The following PAXBP1 variants were observed in gnomAD, a reference collection of about 807,000 sequenced individuals.
PAXBP1 encodes the protein PAX3 and PAX7 binding protein 1, also known as PAX3- and PAX7-binding protein 1.
Under a neutral mutation model 119.9 loss-of-function variants are expected in PAXBP1, and 44 were observed. The observed-to-expected ratio is 0.37, with a 90% CI of 0.29 to 0.47. The LOEUF (loss-of-function observed/expected upper bound fraction) is 0.47, where lower values mean the gene tolerates loss of function less well. Among genes scored for constraint, PAXBP1 ranks in the 20% least tolerant of loss-of-function variants. The pLI, the probability that PAXBP1 is intolerant of heterozygous loss-of-function variation, is 0.99. For synonymous variants in PAXBP1, 393 were observed against 406.6 expected, an observed-to-expected ratio of 0.97 and a Z score of 0.40; for missense variants, 898 against 1,134.1, an observed-to-expected ratio of 0.79 and a Z score of 2.99.
Position 32,734,915 on chromosome 21 carries a change from G to A in PAXBP1, c.*35C>T, listed in dbSNP as rs373333916. 1.5e-4 allele frequency: 228 copies of A among 1,475,972 alleles called. No individual in the cohort carries two copies. The highest frequency in any genetic ancestry group is 1.1e-4 in the Non-Finnish European group (116 of 1,055,296). The allele number at this position is 1,475,972 out of a possible 1,614,324, so 91.4% of individuals were successfully genotyped here. ...ATACAAAATTTACACATTGGGAATG[G>A]TAATCAAGCAAATAGGTTTTTCAGT... On this transcript the variant is annotated 3_prime_UTR_variant, in exon 18 of 18. Coordinates refer to ENST00000331923, the MANE Select transcript of PAXBP1 (RefSeq NM_016631.4).
Position 32,769,860 on chromosome 21 carries a change from ATCT to A in PAXBP1, c.423_425del (p.Glu141del), listed in dbSNP as rs771281390. ...CTGTCTTAATCTTCGATTTTTCAAG[ATCT>A]TCTTTATATTCCTTCTTGAGCAATT... On this transcript the variant is annotated inframe_deletion, in exon 2 of 18. Transcript: ENST00000331923. 3 of 1,601,504 alleles carry A rather than the reference ATCT, an allele frequency of 1.9e-6. No individual in the cohort carries two copies. The highest frequency in any genetic ancestry group is 2.6e-6 in the Non-Finnish European group (3 of 1,175,748).
intron 4 of PAXBP1, among the ~76,000 whole-genome samples, chr21:32,761,443 T>A (rs1362485559): frequency 2.0e-5 from 3 of 152,184 alleles, no homozygotes; most frequent in African/African-American, 7.2e-5. Context: ...ATCTAATGCC[T>A]CCTAGGAATA....
At chr21:32,750,037 T>C (rs2043935529) in intron 10 of PAXBP1, among the ~76,000 whole-genome samples, 1 of 152,148 alleles carries the variant, frequency 6.6e-6, no homozygotes, top group African/African-American at 2.4e-5. Context: ...AAAAATTATA[T>C]ATGGACATGA....
intron 2 of PAXBP1, among the ~76,000 whole-genome samples, chr21:32,769,024 T>G (rs773065735): frequency 6.6e-6 from 1 of 152,202 alleles, no homozygotes; most frequent in Non-Finnish European, 1.5e-5. Context: ...ATTGAACATT[T>G]TGCCAAACAC....
chr21:32,771,738 G>GGCGC lies in PAXBP1; in HGVS notation c.-74_-71dup. The GGCGC allele has an allele frequency of 2.4e-6, 3 of 1,261,132 alleles. No individual in the cohort carries two copies. The highest frequency in any genetic ancestry group is 2.1e-5 in the South Asian group (1 of 47,640). The allele number at this position is 1,261,132 out of a possible 1,614,324, so 78.1% of individuals were successfully genotyped here. On this transcript the variant is annotated 5_prime_UTR_variant, in exon 1 of 18. Coordinates refer to ENST00000331923, the MANE Select transcript of PAXBP1 (RefSeq NM_016631.4). ...GCCCCGGCAGCGCCGAGCTCGTGACGGCGCACGCGCGCTCTCCGGAGCTCC... is the reference window on the plus strand; with the variant it reads ...GCCCCGGCAGCGCCGAGCTCGTGACGGCGCGCGCACGCGCGCTCTCCGGAGCTCC...
intron 7 of PAXBP1, chr21:32,756,720 T>C (rs2044049285): frequency 4.8e-6 from 1 of 209,752 alleles, no homozygotes; most frequent in East Asian, 1.7e-4. Context: ...CATTCTTTTA[T>C]CTTTTAATCC....
At chr21:32,765,903 G>C (rs1169494571) in intron 2 of PAXBP1, among the ~76,000 whole-genome samples, 2 of 152,226 alleles carry the variant, frequency 1.3e-5, no homozygotes, top group Non-Finnish European at 2.9e-5. Context: ...GGGAGGCCAA[G>C]GCGGGTGGAT....
chr21:32,741,728 GA>G (rs1450643688), intron 15 of PAXBP1: 27 of 530,416 alleles, frequency 5.1e-5, no homozygotes, highest in Non-Finnish European at 6.8e-5. Context: ...TGGCTTTGCG[GA>G]AAAGGGGTTC....
At chr21:32,767,659 A>C (rs1327783827) in intron 2 of PAXBP1, among the ~76,000 whole-genome samples, 4 of 152,158 alleles carry the variant, frequency 2.6e-5, no homozygotes, top group Non-Finnish European at 5.9e-5. Flanking sequence ...TGGGTTTATC[A>C]GGGGTTTCCG....
intron 14 of PAXBP1, 25 bp from the exon 15 acceptor site, chr21:32,743,339 T>C (rs767789940): frequency 8.3e-6 from 12 of 1,450,334 alleles, no homozygotes; most frequent in Non-Finnish European, 1.1e-5. Flanking sequence ...GAGAAACATA[T>C]CATGATCAGA....
Position 32,751,124 on chromosome 21 carries a change from G to A in PAXBP1, c.1602C>T (p.Ala534=), listed in dbSNP as rs140791526. 1 of 1,613,520 alleles carries A rather than the reference G, an allele frequency of 6.2e-7. No individual in the cohort carries two copies. The highest frequency in any genetic ancestry group is 1.1e-5 in the South Asian group (1 of 91,074). ...HAKRRIAERE[A]RRTRRRQARE... ...GCAAGGGTTTTGAGAATTACCTCCT[G>A]GCCTCCCGCTCTGCAATGCGACGTT... is the stretch of plus-strand genomic sequence containing the variant. Residue 534 remains alanine (A), a synonymous_variant, in exon 9 of 18, where the codon GCC becomes GCT. Coordinates refer to ENST00000331923, the MANE Select transcript of PAXBP1 (RefSeq NM_016631.4).
chr21:32,761,118 C>T lies in PAXBP1; in HGVS notation c.916G>A (p.Asp306Asn). ...TGTTCCCATCGGCTGAGCTCTTCAT[C>T]CTGTTCTCCAGTTACTAAAGCATCA... ...DDDALVTGEQDEELSRWEQEQ... is the reference protein window; with the variant it reads ...DDDALVTGEQNEELSRWEQEQ... Residue 306 changes from aspartate (D) to asparagine (N), a missense_variant, in exon 5 of 18, where the codon GAT (aspartate) becomes AAT (asparagine). Asp to Asn is a conservative substitution (Grantham distance 23). Coordinates refer to ENST00000331923, the MANE Select transcript of PAXBP1 (RefSeq NM_016631.4). 8 of 1,614,060 alleles carry T rather than the reference C, an allele frequency of 5.0e-6. No homozygotes were observed. The highest frequency in any genetic ancestry group is 6.8e-6 in the Non-Finnish European group (8 of 1,180,018).
In PAXBP1 at chr21:32,734,253, A is replaced by T. The variant is rs2043661105; in HGVS notation, c.*697T>A. ...CAGGACGGTCAGCCCAAAACCATGC[A>T]ATTAGGTTGTGGGTTTATTATTTTC... On this transcript the variant is annotated 3_prime_UTR_variant, in exon 18 of 18. Transcript: ENST00000331923. The T allele has an allele frequency of 1.3e-5, 2 of 152,730 alleles. No individual in the cohort carries two copies. The highest frequency in any genetic ancestry group is 4.8e-5 in the African/African-American group (2 of 41,464). 9.5% of individuals were successfully genotyped at this position (152,730 alleles called of 1,614,324 possible).
Position 32,753,499 on chromosome 21 carries a change from G to A in PAXBP1, c.1507+1731C>T, listed in dbSNP as rs555169091. ...TATAGGTTTTGTAAAATGTGCACTG[G>A]AGGAGACAGGTGAGTCTAACATGAC... On this transcript the variant is annotated intron_variant, in intron 8 of 17. Coordinates refer to ENST00000331923, the MANE Select transcript of PAXBP1 (RefSeq NM_016631.4). Among the ~76,000 whole-genome samples the A allele has an allele frequency of 1.4e-3, 217 of 151,830 alleles. 1 individual carries two copies. The highest frequency in any genetic ancestry group is 2.5e-3 in the Non-Finnish European group (171 of 67,970).
chr21:32,767,107 C>T (rs1009014702), intron 2 of PAXBP1, among the ~76,000 whole-genome samples: 21 of 152,176 alleles, frequency 1.4e-4, no homozygotes, highest in South Asian at 4.1e-4. Context: ...AGCACCACCC[C>T]CAAATCTACA....
At position 32,762,077 on chromosome 21, in the gene PAXBP1, T is replaced by A. The variant is rs1271836136; in HGVS notation, c.871+19A>T. The A allele has an allele frequency of 3.1e-6, 5 of 1,613,350 alleles. No homozygotes were observed. In the African/African-American group the frequency reaches 6.7e-5, roughly 22 times the overall value. ...AAAAGGCAATGCAATAGGCTTACTA[T>A]TCAATTAAATCAAGTTACCTATTTC... On this transcript the variant is annotated intron_variant, in intron 4 of 17. Transcript: ENST00000331923.
At chr21:32,748,278 A>C (rs542888437) in intron 11 of PAXBP1, among the ~76,000 whole-genome samples, 119 of 152,314 alleles carry the variant, frequency 7.8e-4, no homozygotes, top group African/African-American at 2.5e-3. Context: ...TAAACTGAAA[A>C]AACAACAACA....
chr21:32,750,926 G>A lies in PAXBP1; in HGVS notation c.1714C>T (p.Leu572=). ...ETSTDITNFN[L]EKDRISKESG... is the part of the protein sequence containing the mutation. ...CAAATAAATGTCTAACCTTTTTCCAGATTGAAATTAGTAATATCTGTAGAA... is the reference window on the plus strand; with the variant it reads ...CAAATAAATGTCTAACCTTTTTCCAAATTGAAATTAGTAATATCTGTAGAA... The change falls in exon 10 of 18, where the codon CTG becomes TTG. Residue 572 remains leucine (L), a synonymous_variant. Coordinates refer to ENST00000331923, the MANE Select transcript of PAXBP1 (RefSeq NM_016631.4). 1 of 1,608,080 alleles carries A rather than the reference G, an allele frequency of 6.2e-7. No individual in the cohort carries two copies.
intron 11 of PAXBP1, among the ~76,000 whole-genome samples, chr21:32,748,278 A>AAAC (rs1000528448): frequency 2.0e-4 from 31 of 152,198 alleles, no homozygotes; most frequent in African/African-American, 6.0e-4. Context: ...TAAACTGAAA[A>AAAC]AACAACAACA....
Sources: allele counts gnomAD v4.1 joint callset (sites outside exome capture counted in the v4.1 genomes callset), GRCh38; gene constraint gnomAD v4.1.1; transcripts MANE v1.5; gene names NCBI Gene and HGNC (gene_info 2026-07-23, HGNC 2026-07-21).